Variants in SHANK2 observed in about 807,000 individuals in gnomAD.
SHANK2 encodes SH3 and multiple ankyrin repeat domains protein 2.
A neutral mutation model predicts 133.7 loss-of-function variants in SHANK2; 43 were observed. The ratio of observed to expected loss-of-function variants is 0.32; its 90% CI spans 0.25 to 0.41. The LOEUF is 0.41. Ranked by LOEUF, SHANK2 falls within the 10% of genes least tolerant of loss-of-function variation. The pLI is 1.00. For missense variants in SHANK2, 1,994 were observed against 2,235.8 expected (o/e 0.89, Z 2.18); for synonymous variants, 1,017 against 952.8 (o/e 1.07, Z -1.24).
intron 17 of SHANK2, among the ~76,000 whole-genome samples, chr11:70,643,567 GAAAA>G (rs536391581): frequency 1.0e-3 from 95 of 92,306 alleles, no homozygotes; most frequent in African/African-American, 2.9e-3. Context: ...CTCCGTCTCG[GAAAA>G]AAAAAAAAAA....
rs571904516 is a variant in SHANK2 at position 70,597,479 on chromosome 11, A to G, written c.2061+62349T>C. On this transcript the variant is annotated intron_variant, in intron 17 of 25. Coordinates refer to ENST00000601538, the MANE Select transcript of SHANK2 (RefSeq NM_012309.5). ...GCGGTAAGATAAGAGGGTAGAGAGG[A>G]TAGAGAGGGTAGAGAGGATAGAGAG... 9.7e-4 allele frequency among the ~76,000 whole-genome samples: 147 copies of G among 151,362 alleles called. 1 individual carries two copies. The highest frequency in any genetic ancestry group is 3.6e-3 in the African/African-American group (147 of 40,878).
At chr11:70,679,781 C>A (rs1944986433) in intron 15 of SHANK2, among the ~76,000 whole-genome samples, 1 of 152,248 alleles carries the variant, frequency 6.6e-6, no homozygotes, top group African/African-American at 2.4e-5. Flanking sequence ...CGCTGCCACA[C>A]CCCAGCCAGG....
chr11:71,230,807 G>A (rs189766868), intron 1 of SHANK2, among the ~76,000 whole-genome samples: 84 of 152,336 alleles, frequency 5.5e-4, no homozygotes, highest in African/African-American at 1.8e-3. Context: ...AGGTGCAAAA[G>A]CCACTCAATG....
intron 15 of SHANK2, among the ~76,000 whole-genome samples, chr11:70,674,721 C>T (rs1158410593): frequency 5.3e-5 from 8 of 152,214 alleles, no homozygotes; most frequent in Non-Finnish European, 1.2e-4. Context: ...ACATTCCAGG[C>T]TTTGAGGGTG....
At chr11:70,633,047 G>C (rs1403475719) in intron 17 of SHANK2, among the ~76,000 whole-genome samples, 1 of 152,040 alleles carries the variant, frequency 6.6e-6, no homozygotes, top group Non-Finnish European at 1.5e-5. Context: ...TGAGGGGGCT[G>C]CCACTGGGCA....
In SHANK2 at chr11:71,188,264, C is replaced by T. The variant is rs1953716201; in HGVS notation, c.-13+36433G>A. On this transcript the variant is annotated intron_variant, in intron 2 of 25. Coordinates refer to ENST00000601538, the MANE Select transcript of SHANK2 (RefSeq NM_012309.5). This position sits in a 1 kb window ranked among gnomAD's most constrained non-coding sequence, Gnocchi z 4.6. ...CTGCTGGTGTCACTCTGGTCATGGA[C>T]CACTGGAGCTGCCCACTCACCATCC... Among the ~76,000 whole-genome samples, 1 of 152,088 alleles carries T rather than the reference C, an allele frequency of 6.6e-6. No homozygotes were observed. The highest frequency in any genetic ancestry group is 6.5e-5 in the Admixed American group (1 of 15,282).
At chr11:71,105,967 G>A (rs932015893) in intron 6 of SHANK2, among the ~76,000 whole-genome samples, 3 of 152,150 alleles carry the variant, frequency 2.0e-5, no homozygotes, top group Non-Finnish European at 2.9e-5. Flanking sequence ...ACTGGGTTAC[G>A]ACTCCAAGCG....
intron 11 of SHANK2, among the ~76,000 whole-genome samples, chr11:70,865,564 G>T (rs1949342197): frequency 6.6e-6 from 1 of 152,152 alleles, no homozygotes; most frequent in Non-Finnish European, 1.5e-5. Flanking sequence ...ACCGCCCATT[G>T]GATGGAGGTG....
chr11:70,880,748 G>C (rs978882584), intron 11 of SHANK2, among the ~76,000 whole-genome samples: 2 of 152,204 alleles, frequency 1.3e-5, no homozygotes, highest in South Asian at 4.1e-4. Context: ...CCCCACTGAC[G>C]CATAGATTTT....
chr11:70,592,031 TA>T lies in SHANK2; in HGVS notation c.2061+67796del, dbSNP rs1394980244. Among the ~76,000 whole-genome samples the T allele has an allele frequency of 3.5e-3, 507 of 145,754 alleles. 3 individuals are homozygous for T. The highest frequency in any genetic ancestry group is 0.012 in the African/African-American group (464 of 40,056). On this transcript the variant is annotated intron_variant, in intron 17 of 25. Transcript: ENST00000601538. ...CTGGGCGATAGAGCGAGACTCCGTC[TA>T]AAAAAAAAATAAATAAATAAAAAAT... is the stretch of plus-strand genomic sequence containing the variant.
In SHANK2 at chr11:70,751,616, T is replaced by C. The variant is rs535933861; in HGVS notation, c.1777+46827A>G. ...ATGGTCAATATCTTTTAATAGACTA[T>C]ACTTCACTTCTTACATTCTTGAAAA... On this transcript the variant is annotated intron_variant, in intron 14 of 25. Coordinates refer to ENST00000601538, the MANE Select transcript of SHANK2 (RefSeq NM_012309.5). 2.6e-5 allele frequency among the ~76,000 whole-genome samples: 4 copies of C among 152,364 alleles called. No homozygotes were observed. In the South Asian group the frequency reaches 6.2e-4, roughly 24 times the overall value.
intron 17 of SHANK2, among the ~76,000 whole-genome samples, chr11:70,522,101 A>G (rs2135932990): frequency 6.6e-6 from 1 of 152,336 alleles, no homozygotes; most frequent in South Asian, 2.1e-4. Context: ...CAGAGGCCAC[A>G]GCCTCTTGCA....
rs1322698874 is a variant in SHANK2, at chr11:70,933,603, T to C, written c.1108-37036A>G. Among the ~76,000 whole-genome samples the C allele has an allele frequency of 7.9e-5, 12 of 152,228 alleles. 1 individual carries two copies. The highest frequency in any genetic ancestry group is 7.2e-4 in the Admixed American group (11 of 15,278). On this transcript the variant is annotated intron_variant, in intron 10 of 25. Transcript: ENST00000601538. ...AAGATCTGACAACAATGGGTATATA[T>C]GTATTTATTGTAATTTTTTAAAAAA...
chr11:71,205,724 C>T (rs1392842014), intron 2 of SHANK2, among the ~76,000 whole-genome samples: 1 of 152,162 alleles, frequency 6.6e-6, no homozygotes, highest in Non-Finnish European at 1.5e-5. Flanking sequence ...CAAGGCACTC[C>T]TAATGTGCAT....
chr11:70,867,004 T>C (rs1054076512), intron 11 of SHANK2, among the ~76,000 whole-genome samples: 12 of 151,254 alleles, frequency 7.9e-5, no homozygotes, highest in Non-Finnish European at 1.6e-4. Flanking sequence ...GGGCTGACAT[T>C]CCATGAAGCC....
chr11:71,166,281 G>A (rs1232190361), intron 2 of SHANK2, among the ~76,000 whole-genome samples: 3 of 152,148 alleles, frequency 2.0e-5, no homozygotes, highest in East Asian at 3.9e-4. Context: ...CGCCAGAGAC[G>A]GGCAGACAGG....
At chr11:70,794,668 A>G (rs1440260563) in intron 14 of SHANK2, among the ~76,000 whole-genome samples, 2 of 152,084 alleles carry the variant, frequency 1.3e-5, no homozygotes, top group Non-Finnish European at 2.9e-5. Context: ...AGTGATTCTT[A>G]TGCCTCGGCC....
intron 1 of SHANK2, among the ~76,000 whole-genome samples, chr11:71,245,498 G>A (rs923388848): frequency 6.6e-6 from 1 of 152,236 alleles, no homozygotes; most frequent in African/African-American, 2.4e-5. Flanking sequence ...TAAGCTAGAA[G>A]TCTGACAACC....
rs1428520219 is a variant in SHANK2, at chr11:71,162,301, G to A, written c.-12-14963C>T. Among the ~76,000 whole-genome samples, 3 of 152,208 alleles carry A rather than the reference G, an allele frequency of 2.0e-5. No homozygotes were observed. In the South Asian group the frequency reaches 6.2e-4, roughly 32 times the overall value. ...GATGTGGCAAAGGGCATCACATGGT[G>A]AGAGGGTGAGATCATGCATGTAGCT... On this transcript the variant is annotated intron_variant, in intron 2 of 25. Coordinates refer to ENST00000601538, the MANE Select transcript of SHANK2 (RefSeq NM_012309.5).
Sources: allele counts gnomAD v4.1 joint callset (sites outside exome capture counted in the v4.1 genomes callset), GRCh38; gene constraint gnomAD v4.1.1; non-coding constraint Gnocchi (gnomAD v3.1); transcripts MANE v1.5; gene names NCBI Gene and HGNC (gene_info 2026-07-23, HGNC 2026-07-21).